SHANK2: variants seen among roughly 807,000 people sequenced by gnomAD.
SHANK2 encodes SH3 and multiple ankyrin repeat domains protein 2.
A neutral mutation model predicts 133.7 loss-of-function variants in SHANK2; 43 were observed. The observed-to-expected ratio is 0.32, with a 90% confidence interval of 0.25 to 0.41. SHANK2 has a LOEUF of 0.41. Ranked by LOEUF, SHANK2 falls within the 10% of genes least tolerant of loss-of-function variation. SHANK2 has a pLI of 1.00. For synonymous variants in SHANK2, 1,017 were observed against 952.8 expected (o/e 1.07, Z -1.24); for missense variants, 1,994 against 2,235.8 (o/e 0.89, Z 2.18).
At chr11:71,199,565 G>A (rs1470885827) in intron 2 of SHANK2, among the ~76,000 whole-genome samples, 1 of 152,212 alleles carries the variant, frequency 6.6e-6, no homozygotes, top group Non-Finnish European at 1.5e-5. Context: ...TCGCTAAAAC[G>A]TGCACACTCC....
At chr11:70,832,060 C>G (rs782222358) in intron 11 of SHANK2, among the ~76,000 whole-genome samples, 3 of 152,210 alleles carry the variant, frequency 2.0e-5, no homozygotes, top group Non-Finnish European at 4.4e-5. Flanking sequence ...CGTGGGGACA[C>G]CTTTGGGGAC....
At chr11:70,865,522 C>G (rs1344095505) in intron 11 of SHANK2, among the ~76,000 whole-genome samples, 7 of 152,138 alleles carry the variant, frequency 4.6e-5, no homozygotes, top group Admixed American at 1.3e-4. Context: ...AATGGCCAGG[C>G]TGAGATGCAG....
chr11:70,750,706 C>T (rs113877192), intron 14 of SHANK2, among the ~76,000 whole-genome samples: 45 of 152,136 alleles, frequency 3.0e-4, no homozygotes, highest in East Asian at 1.7e-3. Context: ...GATCTGACCT[C>T]GAACAGCATA....
At chr11:70,861,592 T>C (rs1398869499) in intron 11 of SHANK2, among the ~76,000 whole-genome samples, 2 of 152,190 alleles carry the variant, frequency 1.3e-5, no homozygotes, top group African/African-American at 4.8e-5. Flanking sequence ...CAAACATCCA[T>C]GTCAGAGTTA....
chr11:71,184,163 C>A (rs1225797591), intron 2 of SHANK2, among the ~76,000 whole-genome samples: 1 of 152,280 alleles, frequency 6.6e-6, no homozygotes, highest in South Asian at 2.1e-4. Flanking sequence ...CAGGCACCCA[C>A]CTGTCACTAT....
chr11:70,591,731 T>A (rs1591620756), intron 17 of SHANK2, among the ~76,000 whole-genome samples: 1 of 152,076 alleles, frequency 6.6e-6, no homozygotes, highest in East Asian at 2.0e-4. Context: ...AATGCAGAGA[T>A]GTGGGCCGGG....
rs1021750824 is a variant in SHANK2 at position 70,868,928 on chromosome 11, C to T, written c.1174+27573G>A. ...CTGAGTGCTAGAGGCTGAACTGTGTCACCTGCAAAATTCATGTGACGCAGG... is the reference window on the plus strand; with the variant it reads ...CTGAGTGCTAGAGGCTGAACTGTGTTACCTGCAAAATTCATGTGACGCAGG... On this transcript the variant is annotated intron_variant, in intron 11 of 25. Transcript: ENST00000601538. Among the ~76,000 whole-genome samples the T allele has an allele frequency of 3.3e-5, 5 of 152,330 alleles. No homozygotes were observed. The South Asian group carries it at 1.0e-3, about 32-fold the overall frequency.
At chr11:71,204,395 G>A (rs142547518) in intron 2 of SHANK2, among the ~76,000 whole-genome samples, 4 of 152,216 alleles carry the variant, frequency 2.6e-5, no homozygotes, top group East Asian at 1.9e-4. Flanking sequence ...AGGACCCAGC[G>A]CACCTCCCAT....
rs1193058096 is a variant in SHANK2 at position 70,939,557 on chromosome 11, G to A, written c.1108-42990C>T. Among the ~76,000 whole-genome samples the A allele has an allele frequency of 3.3e-5, 5 of 152,250 alleles. No individual in the cohort carries two copies. The East Asian group carries it at 5.8e-4, about 18-fold the overall frequency. ...GGTGCTAGCAAGGTGCTCCATGTCT[G>A]GGGCAGCCTGCTCACCAAGGCCTCT... On this transcript the variant is annotated intron_variant, in intron 10 of 25. Coordinates refer to ENST00000601538, the MANE Select transcript of SHANK2 (RefSeq NM_012309.5).
At chr11:70,483,007 A>T (rs2135714731) in intron 25 of SHANK2, among the ~76,000 whole-genome samples, 1 of 151,896 alleles carries the variant, frequency 6.6e-6, no homozygotes, top group East Asian at 1.9e-4. Flanking sequence ...GGGTCCCTGG[A>T]CTCCCCGAGT....
At chr11:71,149,996 GA>G (rs1952740399) in intron 2 of SHANK2, among the ~76,000 whole-genome samples, 1 of 15,692 alleles carries the variant, frequency 6.4e-5, no homozygotes. Context: ...GAGAGGAATG[GA>G]GAGGAAGGGA....
chr11:70,833,894 G>A (rs1555059270), intron 11 of SHANK2, among the ~76,000 whole-genome samples: 1 of 152,236 alleles, frequency 6.6e-6, no homozygotes, highest in African/African-American at 2.4e-5. Flanking sequence ...ACCCAGGCCA[G>A]GACAGTGTTG....
intron 17 of SHANK2, among the ~76,000 whole-genome samples, chr11:70,521,099 C>G (rs2059324819): frequency 6.6e-6 from 1 of 152,200 alleles, no homozygotes; most frequent in South Asian, 2.1e-4. Flanking sequence ...CTACCCTCTT[C>G]ATGATTATAC....
At chr11:70,950,787 G>T (rs1950822354) in intron 10 of SHANK2, among the ~76,000 whole-genome samples, 1 of 152,060 alleles carries the variant, frequency 6.6e-6, no homozygotes, top group Admixed American at 6.5e-5. Context: ...TTGTGTGTGT[G>T]TGTGTATGTG....
intron 14 of SHANK2, among the ~76,000 whole-genome samples, chr11:70,783,995 CAG>C (rs1484859800): frequency 6.6e-6 from 1 of 152,108 alleles, no homozygotes; most frequent in Non-Finnish European, 1.5e-5. Context: ...GTGTGAGACA[CAG>C]GGCAGGGGCC....
intron 17 of SHANK2, among the ~76,000 whole-genome samples, chr11:70,599,903 AAG>A (rs797030937): frequency 0.27 from 21,335 of 79,554 alleles, 3,195 homozygotes; most frequent in East Asian, 0.57. Flanking sequence ...GAAAGAAAGA[AAG>A]AGAAAGAAAG....
intron 2 of SHANK2, among the ~76,000 whole-genome samples, chr11:71,216,518 G>A (rs2135711584): frequency 1.3e-5 from 2 of 152,238 alleles, no homozygotes; most frequent in Admixed American, 1.3e-4. Context: ...CAGGTTTTGG[G>A]GGGGAATATA....
chr11:70,915,683 G>C (rs1303784510), intron 10 of SHANK2, among the ~76,000 whole-genome samples: 1 of 152,144 alleles, frequency 6.6e-6, no homozygotes, highest in Non-Finnish European at 1.5e-5. Flanking sequence ...ATTCACAGGA[G>C]CCCACCCCAC....
intron 14 of SHANK2, among the ~76,000 whole-genome samples, chr11:70,758,228 G>T (rs552060482): frequency 1.3e-5 from 2 of 152,204 alleles, no homozygotes; most frequent in Non-Finnish European, 2.9e-5. Flanking sequence ...ATGGCTACCC[G>T]CTTTGGGTCC....
Sources: gnomAD v4.1 joint callset for allele counts (sites outside exome capture counted in the v4.1 genomes callset) on GRCh38, gnomAD v4.1.1 for gene constraint, MANE v1.5 for transcripts, NCBI Gene and HGNC (gene_info 2026-07-23, HGNC 2026-07-21) for gene names.